GOLGA5: variants seen among roughly 807,000 people sequenced by gnomAD.
GOLGA5 encodes golgin subfamily A member 5.
GOLGA5 carries 50 observed loss-of-function variants against 93.5 expected under a neutral mutation model. That is an observed-to-expected ratio of 0.53 (90% CI 0.43 to 0.68). GOLGA5 has a LOEUF of 0.68. GOLGA5 is among the 30% of genes least tolerant of loss of function. GOLGA5 has a pLI of 0.00. For synonymous variants in GOLGA5, 312 were observed against 304.5 expected, an observed-to-expected ratio of 1.02 and a Z score of -0.26; for missense variants, 760 against 856.4, an observed-to-expected ratio of 0.89 and a Z score of 1.40.
chr14:92,799,644 T>TTGCCCAGGCTGGAGTGCAGTGA (rs1208019307), intron 2 of GOLGA5, among the ~76,000 whole-genome samples: 2 of 151,730 alleles, frequency 1.3e-5, no homozygotes, highest in African/African-American at 4.8e-5. Flanking sequence ...TCTCGCTTTG[T>TTGCCCAGGCTGGAGTGCAGTGA]CGCCCAGGCT....
At chr14:92,812,256 A>G (rs1282867801) in intron 6 of GOLGA5, among the ~76,000 whole-genome samples, 1 of 152,044 alleles carries the variant, frequency 6.6e-6, no homozygotes, top group African/African-American at 2.4e-5. Flanking sequence ...ATTTTTTTCT[A>G]GGATCATTTT....
chr14:92,834,449 T>TA (rs1885597853), intron 10 of GOLGA5, among the ~76,000 whole-genome samples: 1 of 149,534 alleles, frequency 6.7e-6, no homozygotes, highest in Non-Finnish European at 1.5e-5. Flanking sequence ...AGTGAGAACA[T>TA]ACGGTGAAAA....
rs544620599 is a variant in GOLGA5, at chr14:92,794,385, C to A, written c.-102C>A. ...AGGTTTACTCAGCTTGGGCCCCCTC[C>A]GGGCCAGCCGCCGAGGGGGCGCGGC... On this transcript the variant is annotated 5_prime_UTR_variant, in exon 1 of 13. Coordinates refer to ENST00000163416, the MANE Select transcript of GOLGA5 (RefSeq NM_005113.4). 1.3e-5 allele frequency: 2 copies of A among 152,318 alleles called. No individual in the cohort carries two copies. Among genetic ancestry groups the A allele is most frequent in the Admixed American group, 6.5e-5 (1 of 15,292 alleles). The allele number at this position is 152,318 out of a possible 1,614,324, so 9.4% of individuals were successfully genotyped here.
At chr14:92,804,804 C>T (rs532734318) in intron 2 of GOLGA5, among the ~76,000 whole-genome samples, 47 of 128,882 alleles carry the variant, frequency 3.6e-4, no homozygotes, top group African/African-American at 1.2e-3. Flanking sequence ...TACAGGCACC[C>T]GCCACCATGC....
At chr14:92,804,780 G>A (rs184106544) in intron 2 of GOLGA5, among the ~76,000 whole-genome samples, 4 of 149,164 alleles carry the variant, frequency 2.7e-5, no homozygotes, top group East Asian at 2.0e-4. Context: ...CTCAGCCTCC[G>A]AAGTAGCTGA....
In GOLGA5 at chr14:92,839,853, A is replaced by G. The variant is rs28449551; in HGVS notation, c.*407A>G. The G allele has an allele frequency of 4.3e-3, 847 of 199,018 alleles. 8 individuals are homozygous for G. The highest frequency in any genetic ancestry group is 0.019 in the African/African-American group (823 of 43,522). 12.3% of individuals were successfully genotyped at this position (199,018 alleles called of 1,614,324 possible). A position where few individuals can be genotyped will look rare whatever the true frequency, so the allele number is the denominator to read the frequency against. On this transcript the variant is annotated 3_prime_UTR_variant, in exon 13 of 13. Transcript: ENST00000163416. Reference sequence around the variant, plus strand: ...ATTCAGTCTGCTTTTGGATTTTCATATATTTAACTTTGCAAAAAGATTTAC... The same window carrying G: ...ATTCAGTCTGCTTTTGGATTTTCATGTATTTAACTTTGCAAAAAGATTTAC...
chr14:92,817,561 C>T (rs77493724), intron 7 of GOLGA5, among the ~76,000 whole-genome samples: 9,655 of 152,140 alleles, frequency 0.063, 367 homozygotes, highest in Middle Eastern at 0.12. Context: ...GCTTAAACTT[C>T]GGGGTCTTTG....
In GOLGA5 at chr14:92,835,652, T is replaced by G; in HGVS notation, c.2039T>G (p.Ile680Ser). 6.2e-7 allele frequency: 1 copy of G among 1,605,842 alleles called. No individual in the cohort carries two copies. Among genetic ancestry groups the G allele is most frequent in the Non-Finnish European group, 8.5e-7 (1 of 1,172,526 alleles). The change falls in exon 11 of 13, where the codon ATT becomes AGT. Residue 680 changes from isoleucine (I) to serine (S), a missense_variant. By Grantham distance (142) the Ile-to-Ser change is moderately radical (BLOSUM62 -2). Transcript: ENST00000163416. ...YGKVRKAASSIDQFSIRLGIF... is the reference protein window; with the variant it reads ...YGKVRKAASSSDQFSIRLGIF... ...AAAGTTCGCAAAGCTGCTAGTTCAA[T>G]TGATCAGTTTAGGTAAGCAATGCCA...
chr14:92,816,519 CTCGCTTCTCTTCGCTTCGCT>C (rs1375605459), intron 7 of GOLGA5, 98 bp downstream of exon 7: 15 of 903,912 alleles, frequency 1.7e-5, no homozygotes, highest in Non-Finnish European at 2.2e-5. Context: ...CGATAGGTTT[CTCGCTTCTCTTCGCTTCGCT>C]TCGCTTCTCT....
intron 9 of GOLGA5, among the ~76,000 whole-genome samples, chr14:92,829,682 T>C (rs1040012510): frequency 2.6e-5 from 4 of 152,214 alleles, no homozygotes; most frequent in Admixed American, 2.0e-4. Context: ...GCTGTGAACA[T>C]TGTTGAAATG....
intron 9 of GOLGA5, among the ~76,000 whole-genome samples, chr14:92,831,416 G>C (rs923293469): frequency 6.6e-6 from 1 of 151,974 alleles, no homozygotes; most frequent in Non-Finnish European, 1.5e-5. Flanking sequence ...CAACTCAGAT[G>C]AATTTTTTTT....
intron 1 of GOLGA5, among the ~76,000 whole-genome samples, chr14:92,796,020 TG>T (rs1884719202): frequency 6.6e-6 from 1 of 152,268 alleles, no homozygotes; most frequent in Admixed American, 6.5e-5. Context: ...ATGTATGGAA[TG>T]AGTGGTTATG....
intron 8 of GOLGA5, among the ~76,000 whole-genome samples, chr14:92,823,203 T>A (rs1953008872): frequency 6.6e-6 from 1 of 152,146 alleles, no homozygotes; most frequent in South Asian, 2.1e-4. Context: ...CCTAGTATCA[T>A]TTTTTTAAAT....
intron 2 of GOLGA5, among the ~76,000 whole-genome samples, chr14:92,801,509 C>T (rs563023229): frequency 7.2e-5 from 11 of 152,080 alleles, no homozygotes; most frequent in African/African-American, 2.7e-4. Context: ...GATTCATAGA[C>T]ATTCTTTATA....
chr14:92,797,556 C>T lies in GOLGA5; in HGVS notation c.119C>T (p.Thr40Ile), dbSNP rs749480282. The change falls in exon 2 of 13, where the codon ACT becomes ATT. Residue 40 changes from threonine (T) to isoleucine (I), a missense_variant. By Grantham distance (89) the Thr-to-Ile change is moderately conservative. Coordinates refer to ENST00000163416, the MANE Select transcript of GOLGA5 (RefSeq NM_005113.4). ...GCCAGCAACATATATAGCAAAAATA[C>T]TGACTATACTGAACTTCACCAGCAA... ...DNASNIYSKN[T>I]DYTELHQQNT... 39 of 1,612,758 alleles carry T rather than the reference C, an allele frequency of 2.4e-5. 1 individual carries two copies. In the East Asian group the frequency reaches 8.0e-4, roughly 33 times the overall value.
intron 9 of GOLGA5, among the ~76,000 whole-genome samples, chr14:92,830,758 C>A (rs762078800): frequency 1.3e-5 from 2 of 152,090 alleles, no homozygotes; most frequent in Admixed American, 6.5e-5. Flanking sequence ...CACCACCACA[C>A]TCGGCTAATT....
chr14:92,800,216 T>G (rs919124184), intron 2 of GOLGA5, among the ~76,000 whole-genome samples: 1 of 152,214 alleles, frequency 6.6e-6, no homozygotes, highest in Non-Finnish European at 1.5e-5. Context: ...TTACTTGTGG[T>G]CTAGTAAATG....
At chr14:92,803,280 C>G (rs1884913369) in intron 2 of GOLGA5, among the ~76,000 whole-genome samples, 1 of 152,196 alleles carries the variant, frequency 6.6e-6, no homozygotes, top group Non-Finnish European at 1.5e-5. Flanking sequence ...AAGGGATCCT[C>G]CTGTGTTGGC....
intron 1 of GOLGA5, among the ~76,000 whole-genome samples, chr14:92,795,661 T>C (rs1031282756): frequency 6.6e-6 from 1 of 152,212 alleles, no homozygotes; most frequent in African/African-American, 2.4e-5. Context: ...TGGGAATTCA[T>C]TGGTGAGCAA....
Sources: gnomAD v4.1 joint callset for allele counts (sites outside exome capture counted in the v4.1 genomes callset) on GRCh38, gnomAD v4.1.1 for gene constraint, MANE v1.5 for transcripts, NCBI Gene and HGNC (gene_info 2026-07-23, HGNC 2026-07-21) for gene names.